The following TBC1D19 variants were observed in gnomAD, a reference collection of about 807,000 sequenced individuals.
The protein encoded by TBC1D19 is TBC1 domain family member 19.
In TBC1D19, 60 loss-of-function variants were observed where a neutral mutation model predicts 89.0. The observed-to-expected ratio is 0.67, with a 90% CI of 0.55 to 0.84. TBC1D19 has a LOEUF of 0.84. Among genes scored for constraint, TBC1D19 ranks in the 40% least tolerant of loss-of-function variants. TBC1D19 has a pLI of 0.00. For missense variants in TBC1D19, 500 were observed against 610.8 expected, an observed-to-expected ratio of 0.82 and a Z score of 1.91; for synonymous variants, 189 against 199.7, an observed-to-expected ratio of 0.95 and a Z score of 0.45.
intron 7 of TBC1D19, among the ~76,000 whole-genome samples, chr4:26,651,146 G>A (rs1372298611): frequency 6.6e-6 from 1 of 152,144 alleles, no homozygotes; most frequent in Non-Finnish European, 1.5e-5. Context: ...AAGTCAGGTA[G>A]CGTGATGCCT....
the TBC1D19 span, among the ~76,000 whole-genome samples, chr4:26,802,084 A>C: frequency 2.0e-5 from 3 of 152,328 alleles, no homozygotes; most frequent in Non-Finnish European, 2.9e-5. Context: ...CACACTCCTG[A>C]AAATCCATCC....
At chr4:26,666,296 T>G in intron 8 of TBC1D19, 37 bp from the exon 9 acceptor site, 4 of 1,542,438 alleles carry the variant, frequency 2.6e-6, no homozygotes, top group Non-Finnish European at 2.7e-6. Flanking sequence ...CAGCAAAGTC[T>G]GAGATCTATG....
intron 13 of TBC1D19, among the ~76,000 whole-genome samples, chr4:26,698,507 A>T (rs1451614857): frequency 6.6e-6 from 1 of 152,176 alleles, no homozygotes; most frequent in Non-Finnish European, 1.5e-5. Context: ...AATTGGAAAA[A>T]ACTACTTTAA....
At chr4:26,677,486 T>G (rs1419779248) in intron 11 of TBC1D19, among the ~76,000 whole-genome samples, 1 of 151,786 alleles carries the variant, frequency 6.6e-6, no homozygotes, top group Non-Finnish European at 1.5e-5. Flanking sequence ...ACCGGCTAAT[T>G]TTTTTTTGTA....
At chr4:26,748,595 T>C in intron 19 of TBC1D19, 69 bp downstream of exon 19, 1 of 1,103,144 alleles carries the variant, frequency 9.1e-7, no homozygotes, top group African/African-American at 1.6e-5. Context: ...TTCCTAACAT[T>C]CACCATCCGT....
the TBC1D19 span, among the ~76,000 whole-genome samples, chr4:26,789,828 T>C: frequency 6.6e-6 from 1 of 151,942 alleles, no homozygotes; most frequent in Non-Finnish European, 1.5e-5. Context: ...AAATGTGGAG[T>C]ATACATACCA....
chr4:26,761,877 A>G, the TBC1D19 span, among the ~76,000 whole-genome samples: 5 of 152,332 alleles, frequency 3.3e-5, no homozygotes, highest in East Asian at 9.6e-4. Flanking sequence ...CTGTAATCTC[A>G]GCACTTTGGG....
chr4:26,585,539 G>C (rs973849621), intron 1 of TBC1D19, among the ~76,000 whole-genome samples: 20 of 151,510 alleles, frequency 1.3e-4, no homozygotes, highest in African/African-American at 4.1e-4. Flanking sequence ...TATGATGTAA[G>C]TCTTTATCAG....
chr4:26,737,124 G>A (rs1718098589), intron 16 of TBC1D19, among the ~76,000 whole-genome samples: 2 of 152,122 alleles, frequency 1.3e-5, no homozygotes, highest in African/African-American at 4.8e-5. Flanking sequence ...CGTGGTGAAT[G>A]ACATAATATA....
intron 7 of TBC1D19, among the ~76,000 whole-genome samples, chr4:26,655,135 C>T (rs1744698577): frequency 6.6e-6 from 1 of 152,154 alleles, no homozygotes; most frequent in African/African-American, 2.4e-5. Context: ...GCTGGAGGTC[C>T]ACACCAGACC....
chr4:26,715,902 CA>C (rs1292426942), intron 13 of TBC1D19, among the ~76,000 whole-genome samples: 3 of 152,168 alleles, frequency 2.0e-5, no homozygotes. Flanking sequence ...AAGCCACTGT[CA>C]ATAGTCTCCT....
intron 1 of TBC1D19, among the ~76,000 whole-genome samples, chr4:26,609,304 A>G (rs1439655315): frequency 6.6e-6 from 1 of 152,154 alleles, no homozygotes. Context: ...GCAAAAATAA[A>G]GACCCATTCC....
chr4:26,719,672 A>G (rs77158028), intron 14 of TBC1D19, among the ~76,000 whole-genome samples: 1,712 of 152,228 alleles, frequency 0.011, 35 homozygotes, highest in African/African-American at 0.04. Flanking sequence ...CTAGTCATTT[A>G]ATTTTTAACT....
chr4:26,853,432 A>G, the TBC1D19 span, among the ~76,000 whole-genome samples: 4 of 152,254 alleles, frequency 2.6e-5, no homozygotes, highest in Non-Finnish European at 5.9e-5. Context: ...ATTAGAATAT[A>G]AAATTCCATC....
chr4:26,695,465 C>G (rs533614739), intron 13 of TBC1D19, among the ~76,000 whole-genome samples: 1 of 152,198 alleles, frequency 6.6e-6, no homozygotes, highest in African/African-American at 2.4e-5. Context: ...AATTCCCCAA[C>G]CTAGCAAGGC....
At chr4:26,834,910 A>G in the TBC1D19 span, among the ~76,000 whole-genome samples, 9 of 152,208 alleles carry the variant, frequency 5.9e-5, no homozygotes, top group Non-Finnish European at 1.2e-4. Context: ...TCTACTCAGC[A>G]TCACCACCTG....
intron 4 of TBC1D19, among the ~76,000 whole-genome samples, chr4:26,623,319 A>G (rs1284841677): frequency 1.3e-5 from 2 of 152,046 alleles, no homozygotes; most frequent in African/African-American, 4.8e-5. Context: ...ATCTAGTCTC[A>G]ATTCATTTGT....
At chr4:26,673,986 T>C (rs556390862) in intron 11 of TBC1D19, 98 bp downstream of exon 11, 64 of 627,332 alleles carry the variant, frequency 1.0e-4, no homozygotes, top group Admixed American at 7.7e-4. Flanking sequence ...TTTCTTAATC[T>C]ATTATTAACC....
chr4:26,854,045 C>T, the TBC1D19 span, among the ~76,000 whole-genome samples: 2 of 152,306 alleles, frequency 1.3e-5, no homozygotes, highest in Non-Finnish European at 2.9e-5. Flanking sequence ...AATATAAACA[C>T]GTCAAGACAA....
Sources: allele counts gnomAD v4.1 joint callset (sites outside exome capture counted in the v4.1 genomes callset), GRCh38; gene constraint gnomAD v4.1.1; transcripts MANE v1.5; gene names NCBI Gene and HGNC (gene_info 2026-07-23, HGNC 2026-07-21).